ERG: variants seen among roughly 807,000 people sequenced by gnomAD.
ERG encodes transcriptional regulator ERG.
A neutral mutation model predicts 55.3 loss-of-function variants in ERG; 9 were observed. The observed-to-expected ratio is 0.16, with a 90% CI of 0.10 to 0.28. The LOEUF (loss-of-function observed/expected upper bound fraction) is 0.28. Ranked by LOEUF, ERG falls within the 10% of genes least tolerant of loss-of-function variation. The pLI is 1.00. For synonymous variants in ERG, 223 were observed against 237.3 expected, an observed-to-expected ratio of 0.94 and a Z score of 0.55; for missense variants, 434 against 631.6, an observed-to-expected ratio of 0.69 and a Z score of 3.35.
At chr21:38,616,604 TTGGAC>T (rs962535897) in intron 1 of ERG, among the ~76,000 whole-genome samples, 1 of 151,738 alleles carries the variant, frequency 6.6e-6, no homozygotes, top group Non-Finnish European at 1.5e-5. Context: ...GACTTCTGGT[TTGGAC>T]TGGACTGGAC....
At chr21:38,484,473 A>G (rs540597272) in intron 1 of ERG, among the ~76,000 whole-genome samples, 1 of 152,304 alleles carries the variant, frequency 6.6e-6, no homozygotes, top group South Asian at 2.1e-4. Context: ...AAGCATAAGA[A>G]TGGGAGGAAA....
At position 38,381,286 on chromosome 21, in the gene ERG, G is replaced by A. The variant is rs1006910046; in HGVS notation, c.*2117C>T. On this transcript the variant is annotated 3_prime_UTR_variant, in exon 10 of 10. Coordinates refer to ENST00000288319, the MANE Select transcript of ERG (RefSeq NM_182918.4). ...ATTCAGCTAAGATGTTTCGGCTAGC[G>A]CCTTCGCACGGTCACCTTGTATTTT... The A allele has an allele frequency of 2.2e-5, 23 of 1,064,982 alleles. No individual in the cohort carries two copies. The highest frequency in any genetic ancestry group is 6.5e-5 in the African/African-American group (4 of 61,078). The allele number at this position is 1,064,982 out of a possible 1,614,324, so 66.0% of individuals were successfully genotyped here.
chr21:38,621,151 G>A (rs1220440498), intron 1 of ERG, among the ~76,000 whole-genome samples: 1 of 152,190 alleles, frequency 6.6e-6, no homozygotes, highest in African/African-American at 2.4e-5. Context: ...GAAGCCATGG[G>A]ATGGGATGAG....
intron 2 of ERG, among the ~76,000 whole-genome samples, chr21:38,505,228 C>T (rs768798526): frequency 1.8e-4 from 28 of 152,318 alleles, no homozygotes; most frequent in Non-Finnish European, 3.2e-4. Context: ...CAATGAAGCC[C>T]TATACCCGTG....
chr21:38,626,621 A>G lies in ERG; in HGVS notation c.-150+35037T>C, dbSNP rs73444317. 2.5e-3 allele frequency among the ~76,000 whole-genome samples: 378 copies of G among 152,360 alleles called. 2 individuals are homozygous for G. The highest frequency in any genetic ancestry group is 8.3e-3 in the African/African-American group (347 of 41,584). On this transcript the variant is annotated intron_variant, in intron 1 of 10. Transcript: ENST00000398910. ...TGAGAAAAGGGAAGCACTTATTTTCATAACTTATTTTCATAATCTGAGAAA... is the reference window on the plus strand; with the variant it reads ...TGAGAAAAGGGAAGCACTTATTTTCGTAACTTATTTTCATAATCTGAGAAA...
At chr21:38,376,414 T>TA (rs1355036742), downstream of ERG, among the ~76,000 whole-genome samples, 1 of 152,210 alleles carries the variant, frequency 6.6e-6, no homozygotes, top group Non-Finnish European at 1.5e-5. Context: ...AGGCGGGTCC[T>TA]ACCCTGATGG....
intron 1 of ERG, among the ~76,000 whole-genome samples, chr21:38,652,668 C>T (rs1430031109): frequency 1.3e-5 from 2 of 152,162 alleles, no homozygotes; most frequent in East Asian, 3.9e-4. Context: ...AAAATGAAAT[C>T]CTCCAATGAT....
intron 1 of ERG, among the ~76,000 whole-genome samples, chr21:38,605,403 C>A (rs1273219590): frequency 1.3e-5 from 2 of 152,126 alleles, no homozygotes; most frequent in South Asian, 2.1e-4. Flanking sequence ...GACAATCAGG[C>A]CTTATTCCAA....
intron 1 of ERG, among the ~76,000 whole-genome samples, chr21:38,661,457 CGGGG>C: frequency 6.6e-6 from 1 of 152,252 alleles, no homozygotes; most frequent in Non-Finnish European, 1.5e-5. Context: ...CGCCGGGACG[CGGGG>C]ATGCCGAGGG....
chr21:38,574,395 T>C (rs1275339085), intron 2 of ERG, among the ~76,000 whole-genome samples: 1 of 152,206 alleles, frequency 6.6e-6, no homozygotes, highest in African/African-American at 2.4e-5. Flanking sequence ...AGTGTCCCCA[T>C]AAGCATCTGC....
chr21:38,454,093 G>A (rs1410018865), intron 1 of ERG, among the ~76,000 whole-genome samples: 1 of 152,038 alleles, frequency 6.6e-6, no homozygotes, highest in African/African-American at 2.4e-5. Context: ...ACTTGTTTTT[G>A]TTTCTCTAAT....
intron 3 of ERG, among the ~76,000 whole-genome samples, chr21:38,412,933 C>T (rs1033917959): frequency 3.3e-5 from 5 of 152,060 alleles, no homozygotes; most frequent in Non-Finnish European, 5.9e-5. Context: ...TTTACTTCTG[C>T]CAGGTTTCCC....
intron 2 of ERG, among the ~76,000 whole-genome samples, chr21:38,552,871 A>G (rs1389724813): frequency 2.6e-5 from 4 of 151,870 alleles, no homozygotes. Context: ...GAAACAAAAT[A>G]CATCCAAATG....
intron 1 of ERG, among the ~76,000 whole-genome samples, chr21:38,613,585 G>T (rs2060241234): frequency 6.6e-6 from 1 of 152,176 alleles, no homozygotes; most frequent in Admixed American, 6.5e-5. Flanking sequence ...CTGCAGACTG[G>T]TGCTCGCCGC....
intron 2 of ERG, among the ~76,000 whole-genome samples, chr21:38,542,111 A>G (rs927241223): frequency 6.6e-6 from 1 of 152,000 alleles, no homozygotes; most frequent in African/African-American, 2.4e-5. Context: ...CCTGGGTTCA[A>G]GTGATTCTCC....
At chr21:38,584,877 T>G (rs2060052824) in exon 1 of ERG, 1 of 152,226 alleles carries the variant, frequency 6.6e-6, no homozygotes, top group African/African-American at 2.4e-5. Flanking sequence ...ATCTTTTTTC[T>G]CTGTGAGTCA....
chr21:38,522,076 T>C (rs1455406302), intron 2 of ERG, among the ~76,000 whole-genome samples: 1 of 152,204 alleles, frequency 6.6e-6, no homozygotes, highest in Non-Finnish European at 1.5e-5. Context: ...TTTTCTATTA[T>C]AGAAAGAGTT....
intron 1 of ERG, among the ~76,000 whole-genome samples, chr21:38,458,653 ACGTCAGTGT>A (rs1279117711): frequency 2.6e-5 from 4 of 152,222 alleles, no homozygotes; most frequent in Admixed American, 6.5e-5. Flanking sequence ...AGTTTCACTC[ACGTCAGTGT>A]CTCTAACCTT....
At chr21:38,409,310 C>T (rs1484899580) in intron 3 of ERG, among the ~76,000 whole-genome samples, 2 of 151,978 alleles carry the variant, frequency 1.3e-5, no homozygotes, top group Admixed American at 1.3e-4. Context: ...ATGGAGAAAC[C>T]TCATCTCTAC....
Sources: gnomAD v4.1 joint callset for allele counts (sites outside exome capture counted in the v4.1 genomes callset) on GRCh38, gnomAD v4.1.1 for gene constraint, MANE v1.5 for transcripts, NCBI Gene and HGNC (gene_info 2026-07-23, HGNC 2026-07-21) for gene names.